The following EPHB1 variants were observed in gnomAD, a reference collection of about 807,000 sequenced individuals.
The protein encoded by EPHB1 is EPH receptor B1.
EPHB1 carries 30 observed loss-of-function variants against 94.4 expected under a neutral mutation model. The ratio of observed to expected loss-of-function variants is 0.32; its 90% confidence interval spans 0.24 to 0.43. EPHB1 has a LOEUF of 0.43. Ranked by LOEUF, EPHB1 falls within the 20% of genes least tolerant of loss-of-function variation. EPHB1 has a pLI of 1.00. For synonymous variants in EPHB1, 522 were observed against 489.1 expected (o/e 1.07, Z -0.89); for missense variants, 1,055 against 1,308.3 (o/e 0.81, Z 2.99).
intron 3 of EPHB1, among the ~76,000 whole-genome samples, chr3:135,079,092 A>AC (rs1187369243): frequency 6.6e-6 from 1 of 151,356 alleles, no homozygotes; most frequent in African/African-American, 2.4e-5. Flanking sequence ...CAAGCAAAAA[A>AC]AAAACAAAAC....
intron 3 of EPHB1, among the ~76,000 whole-genome samples, chr3:135,027,982 T>TTTC (rs2107758279): frequency 6.8e-6 from 1 of 146,118 alleles, no homozygotes; most frequent in African/African-American, 2.5e-5. Flanking sequence ...AATTTATCCA[T>TTTC]TTCTTCTAGA....
At chr3:134,899,776 G>A (rs2038162553) in intron 1 of EPHB1, among the ~76,000 whole-genome samples, 1 of 152,186 alleles carries the variant, frequency 6.6e-6, no homozygotes, top group Non-Finnish European at 1.5e-5. Flanking sequence ...CTGGGCTCAA[G>A]CCATCCTCCT....
At chr3:134,970,627 G>A (rs771904388) in intron 3 of EPHB1, among the ~76,000 whole-genome samples, 1 of 152,070 alleles carries the variant, frequency 6.6e-6, no homozygotes, top group Non-Finnish European at 1.5e-5. Context: ...GGATCTGCTT[G>A]TTAACTGATG....
intron 10 of EPHB1, among the ~76,000 whole-genome samples, chr3:135,183,039 TTTCTTTCTTTC>T (rs1559865344): frequency 1.3e-4 from 12 of 89,594 alleles, no homozygotes; most frequent in Middle Eastern, 5.3e-3. Flanking sequence ...TCTTTCTTTC[TTTCTTTCTTTC>T]TTTCTTTCTT....
chr3:135,022,250 G>A (rs994905995), intron 3 of EPHB1, among the ~76,000 whole-genome samples: 3 of 152,180 alleles, frequency 2.0e-5, no homozygotes, highest in Non-Finnish European at 4.4e-5. Flanking sequence ...GATTACAGGC[G>A]TGAGCCACCG....
At position 135,044,505 on chromosome 3, in the gene EPHB1, GA is replaced by G. The variant is rs1241279706; in HGVS notation, c.806-61941del. Among the ~76,000 whole-genome samples, 16 of 152,352 alleles carry G rather than the reference GA, an allele frequency of 1.1e-4. No individual in the cohort carries two copies. The South Asian group carries it at 2.9e-3, about 28-fold the overall frequency. ...AGAACACCAGCTTCATGGTCAGCCA[GA>G]ACCAGTTCATAATCCCAATTCTGCT... On this transcript the variant is annotated intron_variant, in intron 3 of 15. Coordinates refer to ENST00000398015, the MANE Select transcript of EPHB1 (RefSeq NM_004441.5).
intron 1 of EPHB1, among the ~76,000 whole-genome samples, chr3:134,888,473 G>T (rs995357942): frequency 6.6e-6 from 1 of 152,176 alleles, no homozygotes; most frequent in East Asian, 1.9e-4. Flanking sequence ...ACTTTGGGAG[G>T]CAGAGGCGGG....
chr3:135,027,982 T>C (rs1489001811), intron 3 of EPHB1, among the ~76,000 whole-genome samples: 5 of 146,028 alleles, frequency 3.4e-5, no homozygotes, highest in African/African-American at 9.8e-5. Context: ...AATTTATCCA[T>C]TTCTTCTAGA....
chr3:135,027,290 G>A (rs1936220547), intron 3 of EPHB1, among the ~76,000 whole-genome samples: 1 of 151,334 alleles, frequency 6.6e-6, no homozygotes. Context: ...CCTGTCTTGT[G>A]CCAGTTTTCA....
chr3:135,180,104 T>C lies in EPHB1; in HGVS notation c.1882+122T>C. 8 of 1,162,048 alleles carry C rather than the reference T, an allele frequency of 6.9e-6. No individual in the cohort carries two copies. In the Middle Eastern group the frequency reaches 6.3e-4, roughly 91 times the overall value. 72.0% of individuals were successfully genotyped at this position (1,162,048 alleles called of 1,614,324 possible). On this transcript the variant is annotated intron_variant, in intron 10 of 15. Coordinates refer to ENST00000398015, the MANE Select transcript of EPHB1 (RefSeq NM_004441.5). The stretch of plus-strand genomic sequence containing the variant: ...AGGAGGAGAGCTTCTATCTTCTTTC[T>C]CCTCAGAAGATGAGTCTGAACTATC...
At chr3:135,061,129 T>G (rs1031400190) in intron 3 of EPHB1, among the ~76,000 whole-genome samples, 3 of 152,172 alleles carry the variant, frequency 2.0e-5, no homozygotes, top group Non-Finnish European at 4.4e-5. Context: ...TGGATCTCAT[T>G]TAAAAAAAAA....
At chr3:135,179,748 G>C in intron 9 of EPHB1, 112 bp from the exon 10 acceptor site, 1 of 1,304,632 alleles carries the variant, frequency 7.7e-7, no homozygotes, top group Non-Finnish European at 1.1e-6. Context: ...TTGCAGCCTG[G>C]TGTGTAGGAG....
At chr3:135,165,935 TG>T in intron 7 of EPHB1, 32 bp from the exon 8 acceptor site, 1 of 1,532,182 alleles carries the variant, frequency 6.5e-7, no homozygotes, top group Non-Finnish European at 9.0e-7. Context: ...AAAAGGCACA[TG>T]GGGAGGATTC....
At chr3:134,798,100 T>A (rs757469369) in intron 1 of EPHB1, among the ~76,000 whole-genome samples, 1 of 152,172 alleles carries the variant, frequency 6.6e-6, no homozygotes, top group African/African-American at 2.4e-5. Context: ...AACTCGGCTG[T>A]GGTCAGGGGG....
intron 1 of EPHB1, among the ~76,000 whole-genome samples, chr3:134,855,505 A>C (rs1295925913): frequency 6.6e-6 from 1 of 152,200 alleles, no homozygotes; most frequent in African/African-American, 2.4e-5. Context: ...ATGGTGATAA[A>C]GATGTAGCAG....
intron 9 of EPHB1, among the ~76,000 whole-genome samples, chr3:135,170,832 G>C (rs112021702): frequency 1.7e-3 from 266 of 152,340 alleles, no homozygotes; most frequent in Admixed American, 2.9e-3. Flanking sequence ...GGTAGGGAGA[G>C]TGGAAGATAA....
chr3:134,922,617 ACT>A (rs1246281790), intron 1 of EPHB1, among the ~76,000 whole-genome samples: 6 of 151,980 alleles, frequency 3.9e-5, no homozygotes, highest in Non-Finnish European at 7.4e-5. Context: ...TTGATTCTGG[ACT>A]CTGTTTTCCT....
intron 3 of EPHB1, among the ~76,000 whole-genome samples, chr3:135,071,499 A>G (rs966345103): frequency 6.6e-6 from 1 of 152,202 alleles, no homozygotes; most frequent in Non-Finnish European, 1.5e-5. Context: ...CCTGAAGGCA[A>G]GCTGCAGTTA....
At chr3:134,915,902 G>GGGGACCC (rs2038558763) in intron 1 of EPHB1, among the ~76,000 whole-genome samples, 1 of 152,176 alleles carries the variant, frequency 6.6e-6, no homozygotes, top group South Asian at 2.1e-4. Flanking sequence ...CAGGGTGGGA[G>GGGGACCC]GGGACCCGAA....
Sources: gnomAD v4.1 joint callset for allele counts (sites outside exome capture counted in the v4.1 genomes callset) on GRCh38, gnomAD v4.1.1 for gene constraint, MANE v1.5 for transcripts, NCBI Gene and HGNC (gene_info 2026-07-23, HGNC 2026-07-21) for gene names.